Variants in AMBRA1 observed in about 807,000 individuals in gnomAD.
AMBRA1 encodes autophagy and beclin 1 regulator 1.
In AMBRA1, 47 loss-of-function variants were observed where a neutral mutation model predicts 125.4. The ratio of observed to expected loss-of-function variants is 0.37; its 90% confidence interval spans 0.30 to 0.48. AMBRA1 has a LOEUF of 0.48. AMBRA1 is among the 20% of genes least tolerant of loss of function. The probability of loss-of-function intolerance (pLI) is 0.99; values close to 1 mark genes in which losing one functional copy is unlikely to be tolerated. For missense variants in AMBRA1, 1,331 were observed against 1,693.4 expected (o/e 0.79, Z 3.76); for synonymous variants, 626 against 655.5 (o/e 0.95, Z 0.69).
intron 8 of AMBRA1, among the ~76,000 whole-genome samples, chr11:46,512,224 C>T (rs1951285939): frequency 6.6e-6 from 1 of 152,250 alleles, no homozygotes; most frequent in Non-Finnish European, 1.5e-5. Context: ...TCCATTTACT[C>T]CTTCTTCGGT....
intron 1 of AMBRA1, among the ~76,000 whole-genome samples, chr11:46,576,476 C>A (rs1565316113): frequency 6.6e-6 from 1 of 152,160 alleles, no homozygotes; most frequent in African/African-American, 2.4e-5. Context: ...CCAGGGTTAT[C>A]AGGGACCTCA....
intron 1 of AMBRA1, among the ~76,000 whole-genome samples, chr11:46,570,860 G>A (rs1364761341): frequency 6.6e-6 from 1 of 151,988 alleles, no homozygotes; most frequent in Non-Finnish European, 1.5e-5. Context: ...GCATACTTTT[G>A]GAAGACTACA....
chr11:46,554,941 A>G (rs2043119697), intron 1 of AMBRA1, among the ~76,000 whole-genome samples: 1 of 152,170 alleles, frequency 6.6e-6, no homozygotes, highest in Non-Finnish European at 1.5e-5. Flanking sequence ...TATGTACATA[A>G]GACAAATGCC....
intron 12 of AMBRA1, 100 bp downstream of exon 12, chr11:46,443,388 A>G (rs1948114112): frequency 1.1e-6 from 1 of 891,298 alleles, no homozygotes; most frequent in Non-Finnish European, 1.8e-6. Context: ...ACAACTGCTC[A>G]ATAGGATGAT....
At chr11:46,410,764 G>C (rs1484694403) in intron 15 of AMBRA1, among the ~76,000 whole-genome samples, 2 of 152,228 alleles carry the variant, frequency 1.3e-5, no homozygotes, top group Non-Finnish European at 1.5e-5. Flanking sequence ...GAGAGATACA[G>C]AGCCATGGAC....
At chr11:46,589,752 T>C (rs1260309400) in intron 1 of AMBRA1, among the ~76,000 whole-genome samples, 2 of 151,462 alleles carry the variant, frequency 1.3e-5, no homozygotes, top group Non-Finnish European at 3.0e-5. Flanking sequence ...CCCAAGTAAC[T>C]GGGACTACAG....
chr11:46,489,588 C>T (rs1950393933), intron 11 of AMBRA1, among the ~76,000 whole-genome samples: 1 of 152,180 alleles, frequency 6.6e-6, no homozygotes, highest in Non-Finnish European at 1.5e-5. Flanking sequence ...TGACACTTCC[C>T]ATTGATTTTA....
intron 1 of AMBRA1, among the ~76,000 whole-genome samples, chr11:46,559,034 C>T (rs2043245586): frequency 6.6e-6 from 1 of 152,174 alleles, no homozygotes; most frequent in Non-Finnish European, 1.5e-5. Context: ...GGTGCAGTGG[C>T]TCACTCCTGT....
intron 15 of AMBRA1, among the ~76,000 whole-genome samples, chr11:46,415,006 T>A (rs781687172): frequency 7.9e-5 from 12 of 151,936 alleles, no homozygotes; most frequent in African/African-American, 9.7e-5. Context: ...GAGCACAAAA[T>A]GGGGTGCAGC....
Position 46,418,063 on chromosome 11 carries a change from G to A in AMBRA1, c.2977-11C>T, listed in dbSNP as rs1209917465. 3 of 1,532,626 alleles carry A rather than the reference G, an allele frequency of 2.0e-6. No homozygotes were observed. The highest frequency in any genetic ancestry group is 1.8e-5 in the Admixed American group (1 of 56,124). The allele number at this position is 1,532,626 out of a possible 1,614,324, so 94.9% of individuals were successfully genotyped here. On this transcript the variant is annotated splice_polypyrimidine_tract_variant and intron_variant, in intron 14 of 17. Transcript: ENST00000683756. ...GACGTTGAAAACTCTCTAGGTAGAG[G>A]AAAAGAGGGAAAAAAAGAGAATGGG...
In AMBRA1 at chr11:46,507,213, G is replaced by C. The variant is rs1480263261; in HGVS notation, c.2339+978C>G. ...AAAAAAAAAAGGCTTGGCACGGTGG[G>C]TCACGCCTGTAATCCCAGCACTTTG... On this transcript the variant is annotated intron_variant, in intron 9 of 17. Transcript: ENST00000683756. Among the ~76,000 whole-genome samples, 13 of 136,694 alleles carry C rather than the reference G, an allele frequency of 9.5e-5. No homozygotes were observed. The South Asian group carries it at 2.8e-3, about 29-fold the overall frequency. The allele number at this position is 136,694 out of a possible 152,430, so 89.7% of individuals were successfully genotyped here.
chr11:46,514,398 C>G (rs1353770540), intron 7 of AMBRA1, among the ~76,000 whole-genome samples: 1 of 152,142 alleles, frequency 6.6e-6, no homozygotes, highest in Non-Finnish European at 1.5e-5. Context: ...CCTATATCCC[C>G]ATACTTAGAC....
intron 9 of AMBRA1, among the ~76,000 whole-genome samples, chr11:46,502,189 C>T (rs1001472899): frequency 3.9e-5 from 6 of 152,134 alleles, no homozygotes; most frequent in African/African-American, 1.4e-4. Context: ...AAGCAATTCT[C>T]CTACCTCAGC....
In AMBRA1 at chr11:46,396,590, C is replaced by A. The variant is rs546170555; in HGVS notation, c.*860G>T. On this transcript the variant is annotated 3_prime_UTR_variant, in exon 18 of 18. Transcript: ENST00000683756. ...CTTGATTTCTCCACTAGAAACTACA[C>A]GTACAGTTAAGAGTCCACATGCAAC... The A allele has an allele frequency of 1.3e-5, 2 of 152,660 alleles. No homozygotes were observed. The highest frequency in any genetic ancestry group is 4.8e-5 in the African/African-American group (2 of 41,444). The allele number at this position is 152,660 out of a possible 1,614,324, so 9.5% of individuals were successfully genotyped here.
At chr11:46,533,449 G>A (rs1017729349) in intron 7 of AMBRA1, among the ~76,000 whole-genome samples, 2 of 152,086 alleles carry the variant, frequency 1.3e-5, no homozygotes, top group Non-Finnish European at 2.9e-5. Flanking sequence ...CTCACAGTTC[G>A]ATAACACGCC....
At chr11:46,567,528 T>C (rs2043577029) in intron 1 of AMBRA1, among the ~76,000 whole-genome samples, 1 of 151,654 alleles carries the variant, frequency 6.6e-6, no homozygotes, top group African/African-American at 2.4e-5. Flanking sequence ...ACCACATTAA[T>C]TTTCATATTT....
chr11:46,490,916 C>G (rs1950436228), intron 11 of AMBRA1: 1 of 152,132 alleles, frequency 6.6e-6, no homozygotes, highest in South Asian at 2.1e-4. Context: ...TGACAAAGTG[C>G]CTTTCCAGGA....
intron 1 of AMBRA1, among the ~76,000 whole-genome samples, chr11:46,567,289 C>T (rs1383675893): frequency 2.6e-5 from 4 of 152,170 alleles, no homozygotes; most frequent in Non-Finnish European, 5.9e-5. Context: ...CCAGACTGGT[C>T]TCGAACTCCT....
intron 1 of AMBRA1, among the ~76,000 whole-genome samples, chr11:46,553,557 C>T (rs760897483): frequency 3.3e-5 from 5 of 151,920 alleles, no homozygotes; most frequent in Admixed American, 6.6e-5. Context: ...CCAGCCTGGC[C>T]AACATAGTGA....
Sources: allele counts gnomAD v4.1 joint callset (sites outside exome capture counted in the v4.1 genomes callset), GRCh38; gene constraint gnomAD v4.1.1; transcripts MANE v1.5; gene names NCBI Gene and HGNC (gene_info 2026-07-23, HGNC 2026-07-21).